RBFOX1: variants seen among roughly 807,000 people sequenced by gnomAD.
RBFOX1 encodes RNA binding protein fox-1 homolog 1.
Under a neutral mutation model 57.7 loss-of-function variants are expected in RBFOX1, and 8 were observed. The observed-to-expected ratio is 0.14, with a 90% CI of 0.08 to 0.25. The LOEUF is 0.25. Among genes scored for constraint, RBFOX1 ranks in the 10% least tolerant of loss-of-function variants. The probability of loss-of-function intolerance (pLI) is 1.00; values close to 1 mark genes in which losing one functional copy is unlikely to be tolerated. For synonymous variants in RBFOX1, 326 were observed against 222.4 expected, an observed-to-expected ratio of 1.47 and a Z score of -4.15; for missense variants, 611 against 548.5, an observed-to-expected ratio of 1.11 and a Z score of -1.14.
Position 7,036,092 on chromosome 16 carries a change from G to A in RBFOX1, c.-15-15965G>A, listed in dbSNP as rs186643454. Among the ~76,000 whole-genome samples, 345 of 152,212 alleles carry A rather than the reference G, an allele frequency of 2.3e-3. 2 individuals are homozygous for A. The highest frequency in any genetic ancestry group is 8.0e-3 in the African/African-American group (331 of 41,542). On this transcript the variant is annotated intron_variant, in intron 3 of 15. Transcript: ENST00000550418. ...CTTGTGTAAAGATCTCTTCAGATGC[G>A]AAAGTCAGAATAGCATGGAAAGACA... is the stretch of plus-strand genomic sequence containing the variant.
At chr16:6,747,519 C>T (rs1377874080) in intron 3 of RBFOX1, among the ~76,000 whole-genome samples, 1 of 151,954 alleles carries the variant, frequency 6.6e-6, no homozygotes, top group Non-Finnish European at 1.5e-5. Flanking sequence ...TTGTTGTCAC[C>T]TGGGATATGT....
intron 3 of RBFOX1, among the ~76,000 whole-genome samples, chr16:5,616,873 C>T (rs1393656179): frequency 1.3e-5 from 2 of 150,416 alleles, no homozygotes; most frequent in Admixed American, 6.6e-5. Flanking sequence ...TTCCCCACCC[C>T]TCCCCTTCCT....
intron 2 of RBFOX1, among the ~76,000 whole-genome samples, chr16:6,325,659 G>A (rs956060491): frequency 2.6e-5 from 4 of 152,124 alleles, no homozygotes; most frequent in East Asian, 1.9e-4. Context: ...AGTCACAAAG[G>A]ATGAACCAAA....
At chr16:5,355,658 T>C (rs1294713092) in intron 1 of RBFOX1, among the ~76,000 whole-genome samples, 2 of 152,178 alleles carry the variant, frequency 1.3e-5, no homozygotes, top group Non-Finnish European at 2.9e-5. Flanking sequence ...TCCTCCAAAA[T>C]AGGTCCAAGT....
chr16:6,471,273 C>T (rs2095168638), intron 2 of RBFOX1, among the ~76,000 whole-genome samples: 1 of 152,212 alleles, frequency 6.6e-6, no homozygotes, highest in African/African-American at 2.4e-5. Flanking sequence ...GCATCATCAC[C>T]TTTTGAATTC....
chr16:5,834,577 C>CATAGATAGATAGATAGATAG (rs141276552), intron 3 of RBFOX1, among the ~76,000 whole-genome samples: 4 of 147,382 alleles, frequency 2.7e-5, no homozygotes, highest in South Asian at 2.2e-4. Flanking sequence ...GTGCATGTGT[C>CATAGATAGATAGATAGATAG]ATAGATAGAT....
chr16:6,525,134 G>A (rs1477868551), intron 2 of RBFOX1, among the ~76,000 whole-genome samples: 1 of 152,150 alleles, frequency 6.6e-6, no homozygotes, highest in Admixed American at 6.5e-5. Context: ...TGGTCAACCT[G>A]TATTTATTGG....
intron 5 of RBFOX1, among the ~76,000 whole-genome samples, chr16:7,555,640 C>T: frequency 6.6e-6 from 1 of 152,174 alleles, no homozygotes; most frequent in East Asian, 1.9e-4. Context: ...TTCTCTTCCC[C>T]TTGAACGTTC....
At chr16:6,054,440 G>A (rs914815604) in intron 1 of RBFOX1, among the ~76,000 whole-genome samples, 3 of 152,100 alleles carry the variant, frequency 2.0e-5, no homozygotes, top group African/African-American at 7.2e-5. Context: ...GATCTCCAGC[G>A]TCAGGTTTCC....
chr16:6,611,426 C>T (rs947837668), intron 2 of RBFOX1, among the ~76,000 whole-genome samples: 1 of 152,188 alleles, frequency 6.6e-6, no homozygotes, highest in Non-Finnish European at 1.5e-5. Flanking sequence ...GGATGTCAGG[C>T]GTGAGCCACT....
At chr16:7,249,727 G>A (rs2094439976) in intron 4 of RBFOX1, among the ~76,000 whole-genome samples, 1 of 151,832 alleles carries the variant, frequency 6.6e-6, no homozygotes, top group South Asian at 2.1e-4. Flanking sequence ...TTTTTCTTGT[G>A]CTATCTCTGA....
intron 4 of RBFOX1, among the ~76,000 whole-genome samples, chr16:7,052,319 T>C (rs1200447371): frequency 6.6e-6 from 1 of 152,210 alleles, no homozygotes; most frequent in East Asian, 1.9e-4. Context: ...ATTTTTTGAT[T>C]TAGATTCAGC....
chr16:6,323,435 T>C (rs771664928), intron 2 of RBFOX1, among the ~76,000 whole-genome samples: 8 of 152,172 alleles, frequency 5.3e-5, no homozygotes, highest in Non-Finnish European at 1.2e-4. Context: ...GTGTCAGTCT[T>C]GCTTGCTTCT....
intron 6 of RBFOX1, among the ~76,000 whole-genome samples, chr16:7,586,736 T>A (rs1009104449): frequency 6.6e-6 from 1 of 152,228 alleles, no homozygotes; most frequent in African/African-American, 2.4e-5. Context: ...ATCATGATGA[T>A]AGTGCCTAGA....
At chr16:6,055,845 A>T (rs1000470502) in intron 1 of RBFOX1, among the ~76,000 whole-genome samples, 18 of 152,196 alleles carry the variant, frequency 1.2e-4, no homozygotes, top group South Asian at 4.1e-4. Context: ...AAGTACAAGG[A>T]TGCAAATTCC....
chr16:5,781,726 C>T (rs922219157), intron 3 of RBFOX1, among the ~76,000 whole-genome samples: 1 of 152,210 alleles, frequency 6.6e-6, no homozygotes, highest in African/African-American at 2.4e-5. Flanking sequence ...TATTTGAAAG[C>T]CCCCTTTTCT....
chr16:6,320,432 C>T (rs1174903504), intron 2 of RBFOX1, among the ~76,000 whole-genome samples: 3 of 151,860 alleles, frequency 2.0e-5, no homozygotes, highest in Non-Finnish European at 4.4e-5. Flanking sequence ...CCTCAAAAAT[C>T]GCCACTAAAG....
intron 3 of RBFOX1, among the ~76,000 whole-genome samples, chr16:7,026,249 G>A (rs187726333): frequency 2.2e-4 from 34 of 152,244 alleles, no homozygotes; most frequent in African/African-American, 8.2e-4. Flanking sequence ...TGAAGCTGCT[G>A]TTTTTCCTTT....
At chr16:6,223,386 T>C (rs558441049) in intron 1 of RBFOX1, among the ~76,000 whole-genome samples, 14 of 149,110 alleles carry the variant, frequency 9.4e-5, no homozygotes, top group African/African-American at 2.9e-4. Context: ...TTTTAATGAT[T>C]GCCATTCTAA....
Sources: allele counts gnomAD v4.1 joint callset (sites outside exome capture counted in the v4.1 genomes callset), GRCh38; gene constraint gnomAD v4.1.1; transcripts MANE v1.5; gene names NCBI Gene and HGNC (gene_info 2026-07-23, HGNC 2026-07-21).